The following CABIN1 variants were observed in gnomAD, a reference collection of about 807,000 sequenced individuals.
CABIN1 encodes the protein calcineurin-binding protein cabin-1.
A neutral mutation model predicts 227.7 loss-of-function variants in CABIN1; 133 were observed. That is an observed-to-expected ratio of 0.58 (90% confidence interval 0.51 to 0.67). The LOEUF (loss-of-function observed/expected upper bound fraction) is 0.67, where lower values mean the gene tolerates loss of function less well. Ranked by LOEUF, CABIN1 falls within the 30% of genes least tolerant of loss-of-function variation. The pLI, the probability that CABIN1 is intolerant of heterozygous loss-of-function variation, is 0.00. For missense variants in CABIN1, 2,408 were observed against 2,852.5 expected (o/e 0.84, Z 3.55); for synonymous variants, 1,086 against 1,155.1 (o/e 0.94, Z 1.21).
intron 5 of CABIN1, among the ~76,000 whole-genome samples, chr22:24,041,937 C>T (rs1029697255): frequency 1.3e-5 from 2 of 152,248 alleles, no homozygotes; most frequent in African/African-American, 4.8e-5. Context: ...TTTCTTGAAT[C>T]CCATAAGACT....
chr22:24,175,926 C>G (rs1245460941), intron 34 of CABIN1, 185 bp from the exon 35 acceptor site: 4 of 709,580 alleles, frequency 5.6e-6, no homozygotes, highest in Non-Finnish European at 9.9e-6. Flanking sequence ...CCAGTGTCCT[C>G]TTGGGTGGTG....
At position 24,087,529 on chromosome 22, in the gene CABIN1, G is replaced by A; in HGVS notation, c.3341G>A (p.Ser1114Asn). ...AAGCTGAACTCCAATGAGCTGAAGA[G>A]TGATGGGCCCATTTGGAAGCATGCC... ...QDKLNSNELK[S>N]DGPIWKHATP... is the part of the protein sequence containing the mutation. The change falls in exon 23 of 37, where the codon AGT (serine) becomes AAT (asparagine). Residue 1114 changes from serine (S) to asparagine (N), a missense_variant. Physicochemically the swap from Ser to Asn is conservative, Grantham distance 46. Transcript: ENST00000263119. 1 of 1,614,246 alleles carries A rather than the reference G, an allele frequency of 6.2e-7. No homozygotes were observed. The highest frequency in any genetic ancestry group is 8.5e-7 in the Non-Finnish European group (1 of 1,180,050).
At chr22:24,096,188 T>A in intron 25 of CABIN1, 106 bp downstream of exon 25, 1 of 1,323,596 alleles carries the variant, frequency 7.6e-7, no homozygotes, top group Non-Finnish European at 1.1e-6. Context: ...CAGTAAACAG[T>A]AAACTAGAAC....
At chr22:24,016,036 A>C (rs1313218998) in intron 1 of CABIN1, among the ~76,000 whole-genome samples, 1 of 152,196 alleles carries the variant, frequency 6.6e-6, no homozygotes, top group Non-Finnish European at 1.5e-5. Flanking sequence ...TAAGTATACA[A>C]TTGAGTGGTT....
chr22:24,013,197 C>CTTTTT (rs35584227), intron 1 of CABIN1, among the ~76,000 whole-genome samples: 11 of 113,502 alleles, frequency 9.7e-5, no homozygotes, highest in African/African-American at 1.4e-4. Flanking sequence ...TCTTTTTAAG[C>CTTTTT]TTTTTTTTTT....
At chr22:24,103,464 G>A (rs1000402569) in intron 26 of CABIN1, 1 of 152,260 alleles carries the variant, frequency 6.6e-6, no homozygotes, top group Non-Finnish European at 1.5e-5. Flanking sequence ...ACCAGGGCCA[G>A]GCTATGTAGG....
At chr22:24,068,487 CA>C (rs1177894638) in intron 16 of CABIN1, among the ~76,000 whole-genome samples, 1 of 152,210 alleles carries the variant, frequency 6.6e-6, no homozygotes, top group African/African-American at 2.4e-5. Flanking sequence ...CAGGATACCC[CA>C]TTGATGGGGG....
intron 26 of CABIN1, among the ~76,000 whole-genome samples, chr22:24,112,977 A>G (rs2042890260): frequency 6.6e-6 from 1 of 152,102 alleles, no homozygotes; most frequent in African/African-American, 2.4e-5. Flanking sequence ...TTTCTTTCTC[A>G]TGAGCACCTG....
At chr22:24,018,373 C>G (rs2146495611) in intron 1 of CABIN1, among the ~76,000 whole-genome samples, 1 of 152,228 alleles carries the variant, frequency 6.6e-6, no homozygotes, top group Non-Finnish European at 1.5e-5. Flanking sequence ...CCCTTCTCTA[C>G]TACGTAATAC....
At chr22:24,060,964 G>A (rs2039148976) in intron 12 of CABIN1, among the ~76,000 whole-genome samples, 2 of 152,184 alleles carry the variant, frequency 1.3e-5, no homozygotes, top group African/African-American at 4.8e-5. Flanking sequence ...ATGTTAGGAT[G>A]TGGTCTTGCC....
intron 24 of CABIN1, among the ~76,000 whole-genome samples, chr22:24,092,330 T>A (rs1366729067): frequency 6.6e-6 from 1 of 152,162 alleles, no homozygotes; most frequent in Non-Finnish European, 1.5e-5. Context: ...CTTCTGATTG[T>A]TGTTCAAGAA....
intron 29 of CABIN1, among the ~76,000 whole-genome samples, chr22:24,142,678 A>G (rs1030712759): frequency 6.6e-6 from 1 of 152,194 alleles, no homozygotes; most frequent in Non-Finnish European, 1.5e-5. Flanking sequence ...TGAAGACCAA[A>G]GCACAACCTA....
At chr22:24,039,818 A>G (rs2037223664) in intron 4 of CABIN1, among the ~76,000 whole-genome samples, 1 of 152,224 alleles carries the variant, frequency 6.6e-6, no homozygotes, top group Admixed American at 6.5e-5. Flanking sequence ...AAATACATAG[A>G]ACAGTTTCTT....
At chr22:24,101,051 C>T (rs1602088209) in intron 26 of CABIN1, among the ~76,000 whole-genome samples, 1 of 152,294 alleles carries the variant, frequency 6.6e-6, no homozygotes, top group East Asian at 1.9e-4. Flanking sequence ...GAGGTAGTGT[C>T]CTCTGAAGCA....
At chr22:24,143,685 G>A (rs2044924108) in intron 29 of CABIN1, among the ~76,000 whole-genome samples, 1 of 152,162 alleles carries the variant, frequency 6.6e-6, no homozygotes, top group South Asian at 2.1e-4. Context: ...CACTTATTGG[G>A]GGCTTGATCG....
At position 24,043,035 on chromosome 22, in the gene CABIN1, C is replaced by G. The variant is rs747307475; in HGVS notation, c.477C>G (p.Pro159=). The change falls in exon 6 of 37, where the codon CCC becomes CCG. Residue 159 remains proline (P), a synonymous_variant. Transcript: ENST00000263119. ...EGLRCNPDHW[P]CLDNLITVLY... is the part of the protein sequence containing the mutation. ...TGCGGTGCAATCCTGACCACTGGCC[C>G]TGTTTGGATAACCTAATCACTGTCC... 1.2e-6 allele frequency: 2 copies of G among 1,614,046 alleles called. No homozygotes were observed. The highest frequency in any genetic ancestry group is 1.1e-5 in the South Asian group (1 of 91,072).
intron 28 of CABIN1, among the ~76,000 whole-genome samples, chr22:24,130,432 G>T (rs2044002429): frequency 6.6e-6 from 1 of 152,182 alleles, no homozygotes; most frequent in Non-Finnish European, 1.5e-5. Flanking sequence ...CTGGGACCTT[G>T]GGCAAGCTCT....
chr22:24,015,270 CAAAAAAAAAAAA>C (rs1199906542), intron 1 of CABIN1, among the ~76,000 whole-genome samples: 2 of 50,690 alleles, frequency 3.9e-5, no homozygotes, highest in African/African-American at 8.0e-5. Flanking sequence ...AATCCATCTC[CAAAAAAAAAAAA>C]AAAAAAAAAA....
chr22:24,032,085 A>G lies in CABIN1; in HGVS notation c.-74-3359A>G, dbSNP rs528356841. ...TGTTGTGTTACCATCACCACCATCC[A>G]TCTCCAAAACTCTCTTCATCTTGAA... On this transcript the variant is annotated intron_variant, in intron 1 of 36. Transcript: ENST00000263119. 3.6e-3 allele frequency among the ~76,000 whole-genome samples: 547 copies of G among 152,282 alleles called. 5 individuals are homozygous for G. Among genetic ancestry groups the G allele is most frequent in the Middle Eastern group, 0.01 (3 of 294 alleles).
Sources: gnomAD v4.1 joint callset for allele counts (sites outside exome capture counted in the v4.1 genomes callset) on GRCh38, gnomAD v4.1.1 for gene constraint, MANE v1.5 for transcripts, NCBI Gene and HGNC (gene_info 2026-07-23, HGNC 2026-07-21) for gene names.